NRXN1: variants seen among roughly 807,000 people sequenced by gnomAD.
The protein encoded by NRXN1 is neurexin 1, also known as neurexin-1.
NRXN1 carries 39 observed loss-of-function variants against 150.9 expected under a neutral mutation model. The ratio of observed to expected loss-of-function variants is 0.26; its 90% confidence interval spans 0.20 to 0.34. The LOEUF is 0.34. NRXN1 is among the 10% of genes least tolerant of loss of function. The pLI is 1.00. For missense variants in NRXN1, 1,815 were observed against 1,949.9 expected, an observed-to-expected ratio of 0.93 and a Z score of 1.30; for synonymous variants, 924 against 757.0, an observed-to-expected ratio of 1.22 and a Z score of -3.62.
intron 18 of NRXN1, among the ~76,000 whole-genome samples, chr2:50,218,952 G>A (rs949562304): frequency 1.2e-4 from 18 of 151,616 alleles, no homozygotes; most frequent in African/African-American, 4.1e-4. Flanking sequence ...TATTCCAATA[G>A]CCTTTATTTT....
chr2:50,617,312 G>A (rs1679220822), intron 8 of NRXN1, among the ~76,000 whole-genome samples: 1 of 151,992 alleles, frequency 6.6e-6, no homozygotes, highest in Admixed American at 6.6e-5. Context: ...GTGCATGCCT[G>A]TAGTCCCAGC....
chr2:50,569,515 T>C (rs1023685855), intron 8 of NRXN1, among the ~76,000 whole-genome samples: 1 of 152,062 alleles, frequency 6.6e-6, no homozygotes, highest in Non-Finnish European at 1.5e-5. Flanking sequence ...TTGTTATATA[T>C]ATTATATGTA....
At chr2:50,258,814 G>A (rs1231517744) in intron 17 of NRXN1, among the ~76,000 whole-genome samples, 1 of 151,950 alleles carries the variant, frequency 6.6e-6, no homozygotes, top group East Asian at 1.9e-4. Context: ...GTGTTATCAA[G>A]GATAAAATTA....
At chr2:50,195,381 A>T (rs912631270) in intron 18 of NRXN1, among the ~76,000 whole-genome samples, 5 of 152,148 alleles carry the variant, frequency 3.3e-5, no homozygotes, top group African/African-American at 1.2e-4. Context: ...TCATGATCTC[A>T]CAAACTATAG....
chr2:50,401,727 C>T (rs370689242), intron 17 of NRXN1, among the ~76,000 whole-genome samples: 10 of 152,096 alleles, frequency 6.6e-5, no homozygotes, highest in African/African-American at 2.2e-4. Context: ...GCCACAAGAG[C>T]CTATGGTTGG....
intron 2 of NRXN1, among the ~76,000 whole-genome samples, chr2:50,992,786 T>C (rs1575152344): frequency 6.6e-6 from 1 of 152,088 alleles, no homozygotes; most frequent in East Asian, 1.9e-4. Context: ...TCTTTAGTGA[T>C]GCATGGGGAG....
intron 17 of NRXN1, among the ~76,000 whole-genome samples, chr2:50,327,138 C>T (rs1322310920): frequency 8.5e-5 from 13 of 152,092 alleles, no homozygotes; most frequent in Admixed American, 8.5e-4. Flanking sequence ...GGAAACAAAC[C>T]AAATGTTCTT....
chr2:50,785,354 T>C, intron 5 of NRXN1, among the ~76,000 whole-genome samples: 1 of 148,314 alleles, frequency 6.7e-6, no homozygotes, highest in Non-Finnish European at 1.5e-5. Context: ...GTTCACGCCA[T>C]TCTCCTGCCT....
At chr2:50,856,229 A>G (rs969650967) in intron 5 of NRXN1, among the ~76,000 whole-genome samples, 3 of 152,006 alleles carry the variant, frequency 2.0e-5, no homozygotes, top group African/African-American at 7.2e-5. Context: ...AGTATTAGGC[A>G]ACAAGAGCTT....
intron 5 of NRXN1, among the ~76,000 whole-genome samples, chr2:50,639,635 A>G (rs1206247006): frequency 6.6e-6 from 1 of 152,134 alleles, no homozygotes; most frequent in East Asian, 1.9e-4. Context: ...TCATCATGAC[A>G]TTCCATCCTA....
rs200038559 is a variant in NRXN1, at chr2:50,472,437, T to C, written c.3105A>G (p.Thr1035=). The change falls in exon 16 of 23, where the codon ACA becomes ACG. Residue 1035 remains threonine, a synonymous_variant. Transcript: ENST00000401669. ...GTACAAGTTTTGGTAAGGATTTGTATGTTTCTTTAGCTACTCCTCCTATAT... is the reference window on the plus strand; with the variant it reads ...GTACAAGTTTTGGTAAGGATTTGTACGTTTCTTTAGCTACTCCTCCTATAT... ...DLYIGGVAKE[T]YKSLPKLVHA... is the part of the protein sequence containing the mutation. The C allele has an allele frequency of 1.7e-5, 28 of 1,612,090 alleles. No individual in the cohort carries two copies. Among genetic ancestry groups the C allele is most frequent in the Non-Finnish European group, 2.4e-5 (28 of 1,178,758 alleles).
At chr2:50,573,655 T>C (rs1670985135) in intron 8 of NRXN1, among the ~76,000 whole-genome samples, 2 of 151,806 alleles carry the variant, frequency 1.3e-5, no homozygotes, top group South Asian at 4.1e-4. Context: ...CAAAGAGATG[T>C]AAACCTGAGT....
At chr2:49,964,732 T>C (rs374762323) in intron 21 of NRXN1, among the ~76,000 whole-genome samples, 4 of 152,040 alleles carry the variant, frequency 2.6e-5, no homozygotes, top group Admixed American at 6.5e-5. Flanking sequence ...TCCCAGCTAC[T>C]AGGGAGGCTG....
At chr2:50,313,951 A>C (rs2075382233) in intron 17 of NRXN1, among the ~76,000 whole-genome samples, 1 of 152,072 alleles carries the variant, frequency 6.6e-6, no homozygotes, top group South Asian at 2.1e-4. Flanking sequence ...GTATACAAGG[A>C]ATTTGTTAGT....
chr2:50,230,011 G>T (rs541848050), intron 18 of NRXN1, among the ~76,000 whole-genome samples: 2 of 152,112 alleles, frequency 1.3e-5, no homozygotes, highest in South Asian at 4.1e-4. Context: ...AAAGCAGTGG[G>T]TCAAAAGGAG....
rs1699208040 is a variant in NRXN1, at chr2:50,089,136, CATAAGT to C, written c.3718+2181_3718+2186del. Among the ~76,000 whole-genome samples the C allele has an allele frequency of 2.6e-5, 4 of 152,204 alleles. No homozygotes were observed. The South Asian group carries it at 8.3e-4, about 32-fold the overall frequency. On this transcript the variant is annotated intron_variant, in intron 19 of 22. Coordinates refer to ENST00000401669, the MANE Select transcript of NRXN1 (RefSeq NM_001330078.2). ...ACTAATGGGACTTTCCCTTTCTCAC[CATAAGT>C]AGTAATAAGCTCTAGGTAAAGATAC...
chr2:50,662,607 C>A (rs370887691), intron 5 of NRXN1, among the ~76,000 whole-genome samples: 2 of 151,616 alleles, frequency 1.3e-5, no homozygotes, highest in African/African-American at 4.8e-5. Context: ...TTTGTTTTTG[C>A]GATTTTTTTT....
chr2:50,109,535 G>T (rs1450243699), intron 18 of NRXN1, among the ~76,000 whole-genome samples: 1 of 151,784 alleles, frequency 6.6e-6, no homozygotes, highest in East Asian at 1.9e-4. Flanking sequence ...TTATCAGTTT[G>T]CGGGGTTCTC....
In NRXN1 at chr2:50,452,609, T is replaced by G. The variant is rs2087079092; in HGVS notation, c.3364+12833A>C. ...ACCAGATGGGAAACTGTGTTTGGAA[T>G]TGCTGGTAAACTGGAATCAATTTGT... On this transcript the variant is annotated intron_variant, in intron 17 of 22. Coordinates refer to ENST00000401669, the MANE Select transcript of NRXN1 (RefSeq NM_001330078.2). Among the ~76,000 whole-genome samples the G allele has an allele frequency of 2.6e-5, 4 of 152,174 alleles. No individual in the cohort carries two copies. The South Asian group carries it at 8.3e-4, about 31-fold the overall frequency.
Sources: allele counts gnomAD v4.1 joint callset (sites outside exome capture counted in the v4.1 genomes callset), GRCh38; gene constraint gnomAD v4.1.1; transcripts MANE v1.5; gene names NCBI Gene and HGNC (gene_info 2026-07-23, HGNC 2026-07-21).